AKAP6: variants seen among roughly 807,000 people sequenced by gnomAD.
The protein encoded by AKAP6 is A-kinase anchoring protein 6, also known as A-kinase anchor protein 6.
AKAP6 carries 58 observed loss-of-function variants against 188.5 expected under a neutral mutation model. The ratio of observed to expected loss-of-function variants is 0.31; its 90% CI spans 0.25 to 0.38. The LOEUF (loss-of-function observed/expected upper bound fraction) is 0.38. Ranked by LOEUF, AKAP6 falls within the 10% of genes least tolerant of loss-of-function variation. The probability of loss-of-function intolerance (pLI) is 1.00; values close to 1 mark genes in which losing one functional copy is unlikely to be tolerated. For missense variants in AKAP6, 2,710 were observed against 2,740.0 expected (o/e 0.99, Z 0.24); for synonymous variants, 989 against 998.6 (o/e 0.99, Z 0.18).
intron 7 of AKAP6, among the ~76,000 whole-genome samples, chr14:32,668,161 C>G (rs562512368): frequency 6.6e-6 from 1 of 152,084 alleles, no homozygotes; most frequent in African/African-American, 2.4e-5. Context: ...ATCAAAAATT[C>G]TAATCATCGT....
chr14:32,641,667 T>C (rs1240937906), intron 7 of AKAP6, among the ~76,000 whole-genome samples: 2 of 151,968 alleles, frequency 1.3e-5, no homozygotes, highest in African/African-American at 4.8e-5. Context: ...TTTCATGTGG[T>C]CCCTAAATTT....
chr14:32,556,503 T>C (rs1437371094), intron 4 of AKAP6, among the ~76,000 whole-genome samples: 1 of 151,994 alleles, frequency 6.6e-6, no homozygotes, highest in Admixed American at 6.6e-5. Context: ...CCACCACACC[T>C]GGCTAATTTT....
intron 2 of AKAP6, among the ~76,000 whole-genome samples, chr14:32,533,940 T>C (rs915755221): frequency 7.9e-5 from 12 of 152,230 alleles, no homozygotes; most frequent in African/African-American, 2.7e-4. Flanking sequence ...AAAGTTCATC[T>C]AGTTTAAACT....
At chr14:32,478,670 G>A (rs1296363722) in intron 2 of AKAP6, among the ~76,000 whole-genome samples, 2 of 152,164 alleles carry the variant, frequency 1.3e-5, no homozygotes, top group East Asian at 3.8e-4. Context: ...CATTCAGGTT[G>A]ATTTTATAGA....
intron 7 of AKAP6, among the ~76,000 whole-genome samples, chr14:32,625,955 C>T (rs1297981266): frequency 6.6e-6 from 1 of 152,042 alleles, no homozygotes; most frequent in African/African-American, 2.4e-5. Flanking sequence ...AATAAGAAGC[C>T]CATTATAGTG....
intron 2 of AKAP6, among the ~76,000 whole-genome samples, chr14:32,509,351 C>T (rs184566443): frequency 1.4e-3 from 212 of 152,040 alleles, no homozygotes; most frequent in African/African-American, 4.8e-3. Context: ...TGGTCTTAAA[C>T]TCCTGAGCTC....
intron 1 of AKAP6, among the ~76,000 whole-genome samples, chr14:32,376,610 A>C (rs1305173816): frequency 6.6e-6 from 1 of 152,244 alleles, no homozygotes; most frequent in Non-Finnish European, 1.5e-5. Flanking sequence ...TTAAAACCAG[A>C]CAAAAGAACT....
chr14:32,540,164 C>A (rs10132798), intron 3 of AKAP6, among the ~76,000 whole-genome samples: 1,701 of 96,868 alleles, frequency 0.018, 18 homozygotes, highest in African/African-American at 0.034. Context: ...CTCTCTCTCT[C>A]TCTCTATATA....
intron 9 of AKAP6, among the ~76,000 whole-genome samples, chr14:32,730,333 C>T (rs1476607206): frequency 6.6e-6 from 1 of 152,080 alleles, no homozygotes; most frequent in African/African-American, 2.4e-5. Flanking sequence ...AGACTGAGAG[C>T]ACACATAAAG....
intron 7 of AKAP6, among the ~76,000 whole-genome samples, chr14:32,649,830 A>G (rs2139525282): frequency 6.6e-6 from 1 of 152,278 alleles, no homozygotes. Flanking sequence ...TAGATTTGCA[A>G]TTGGTTTGGT....
intron 7 of AKAP6, among the ~76,000 whole-genome samples, chr14:32,662,855 A>G (rs1186999306): frequency 6.6e-6 from 1 of 152,084 alleles, no homozygotes; most frequent in Non-Finnish European, 1.5e-5. Context: ...AAATGATGGT[A>G]TCCTAATTCT....
At chr14:32,700,399 G>T (rs1473092364) in intron 9 of AKAP6, among the ~76,000 whole-genome samples, 2 of 152,102 alleles carry the variant, frequency 1.3e-5, no homozygotes, top group East Asian at 3.9e-4. Flanking sequence ...TTAAACAAGA[G>T]TTTTCAGATA....
At chr14:32,606,739 T>C (rs1300466513) in intron 7 of AKAP6, among the ~76,000 whole-genome samples, 1 of 152,190 alleles carries the variant, frequency 6.6e-6, no homozygotes, top group African/African-American at 2.4e-5. Context: ...TCTGTCTTCT[T>C]TGAGGCTCTT....
chr14:32,687,105 G>A (rs570359463), intron 8 of AKAP6, among the ~76,000 whole-genome samples: 16 of 152,120 alleles, frequency 1.1e-4, no homozygotes, highest in Non-Finnish European at 2.4e-4. Flanking sequence ...GGAAAGAGGA[G>A]TTCATTTTCT....
At chr14:32,484,458 A>G in intron 2 of AKAP6, 1 of 174,816 alleles carries the variant, frequency 5.7e-6, no homozygotes. Flanking sequence ...ACTATGGCAG[A>G]TGCAAGCAGA....
At chr14:32,591,471 CA>C (rs71432067) in intron 5 of AKAP6, among the ~76,000 whole-genome samples, 3,015 of 128,460 alleles carry the variant, frequency 0.023, 79 homozygotes, top group African/African-American at 0.067. Flanking sequence ...TACTTTGCAC[CA>C]AAAAAAAAAA....
chr14:32,340,980 T>C (rs772595338), intron 1 of AKAP6, among the ~76,000 whole-genome samples: 1 of 152,244 alleles, frequency 6.6e-6, no homozygotes, highest in Non-Finnish European at 1.5e-5. Context: ...TTTTAACATA[T>C]AAATTTTGGG....
chr14:32,433,109 C>T (rs934068351), intron 1 of AKAP6: 1 of 194,268 alleles, frequency 5.1e-6, no homozygotes, highest in African/African-American at 2.3e-5. Context: ...TTGGCCAGAA[C>T]ATGGCCACAC....
intron 13 of AKAP6, among the ~76,000 whole-genome samples, chr14:32,828,529 T>TCTCA (rs1468834694): frequency 2.6e-5 from 2 of 75,954 alleles, no homozygotes; most frequent in African/African-American, 9.6e-5. Flanking sequence ...TCTCTCTCTC[T>TCTCA]CACACACACA....
Sources: gnomAD v4.1 joint callset for allele counts (sites outside exome capture counted in the v4.1 genomes callset) on GRCh38, gnomAD v4.1.1 for gene constraint, MANE v1.5 for transcripts, NCBI Gene and HGNC (gene_info 2026-07-23, HGNC 2026-07-21) for gene names.